ARL10: variants seen among roughly 807,000 people sequenced by gnomAD.
ARL10 encodes the protein ADP-ribosylation factor-like protein 10.
In ARL10, 23 loss-of-function variants were observed where a neutral mutation model predicts 26.1. The observed-to-expected ratio is 0.88, with a 90% CI of 0.63 to 1.25. ARL10 has a LOEUF of 1.25. Among genes scored for constraint, ARL10 ranks in the 50% most tolerant of loss-of-function variants. ARL10 has a pLI of 0.00. For synonymous variants in ARL10, 138 were observed against 149.1 expected (o/e 0.93, Z 0.54); for missense variants, 300 against 323.6 (o/e 0.93, Z 0.56).
chr5:176,406,541 G>A, downstream of ARL10: 1 of 1,273,140 alleles, frequency 7.9e-7, no homozygotes, highest in South Asian at 1.3e-5. Context: ...GGGAGTATTA[G>A]GGGAAAGGAG....
exon 2 of ARL10, chr5:176,388,479 G>T: frequency 1.2e-6 from 2 of 1,614,216 alleles, no homozygotes; most frequent in Admixed American, 1.7e-5. Flanking sequence ...CGGTTCAGAC[G>T]CTTTCGGTTG....
At chr5:176,397,202 A>G (rs1338513707) in intron 1 of ARL10, among the ~76,000 whole-genome samples, 1 of 152,160 alleles carries the variant, frequency 6.6e-6, no homozygotes, top group Non-Finnish European at 1.5e-5. Context: ...ACAGAAGGGT[A>G]GCTTCCCAGA....
downstream of ARL10, among the ~76,000 whole-genome samples, chr5:176,389,148 G>A (rs766531322): frequency 6.6e-6 from 1 of 152,018 alleles, no homozygotes; most frequent in Admixed American, 6.6e-5. Flanking sequence ...GGTTTAGGGG[G>A]CGGGATTTGG....
chr5:176,384,309 G>A (rs201556482), downstream of ARL10: 84 of 1,614,104 alleles, frequency 5.2e-5, no homozygotes, highest in Non-Finnish European at 6.4e-5. Flanking sequence ...GTTTATAGAC[G>A]TTGATCTTAC....
At position 176,373,370 on chromosome 5, in the gene ARL10, CAA is replaced by C. The variant is rs1372825427; in HGVS notation, c.*1477_*1478del. 3.8e-6 allele frequency: 1 copy of C among 262,392 alleles called. No individual in the cohort carries two copies. Among genetic ancestry groups the C allele is most frequent in the African/African-American group, 2.2e-5 (1 of 45,582 alleles). 16.3% of individuals were successfully genotyped at this position (262,392 alleles called of 1,614,324 possible). A position where few individuals can be genotyped will look rare whatever the true frequency, so the allele number is the denominator to read the frequency against. On this transcript the variant is annotated 3_prime_UTR_variant, in exon 4 of 4. Coordinates refer to ENST00000310389, the MANE Select transcript of ARL10 (RefSeq NM_173664.6). ...TACTGACACTTATTATCGGTACAGG[CAA>C]AGAGGAGCCTGTTGTCTGTTAGGGA...
chr5:176,375,108 CCCTCCATCCG>C lies in ARL10; in HGVS notation c.*3214_*3223del, dbSNP rs1768648070. 6.8e-6 allele frequency: 1 copy of C among 147,160 alleles called. No individual in the cohort carries two copies. The allele number at this position is 147,160 out of a possible 1,614,324, so 9.1% of individuals were successfully genotyped here. ...TCCATCCATCCATCCATCCATCCAT[CCCTCCATCCG>C]TCCACCCGTCCACCCGTCCACCCAT... On this transcript the variant is annotated 3_prime_UTR_variant, in exon 4 of 4. Coordinates refer to ENST00000310389, the MANE Select transcript of ARL10 (RefSeq NM_173664.6).
the ARL10 span, among the ~76,000 whole-genome samples, chr5:176,412,853 T>G: frequency 6.6e-6 from 1 of 152,242 alleles, no homozygotes; most frequent in South Asian, 2.1e-4. Context: ...GCAAAGGGGC[T>G]TCTTCTGCTG....
chr5:176,397,914 T>TCAGCCCCGCCC (rs1356834346), intron 1 of ARL10: 1 of 1,606,290 alleles, frequency 6.2e-7, no homozygotes, highest in Non-Finnish European at 8.5e-7. Flanking sequence ...CAACCCCGCC[T>TCAGCCCCGCCC]CAGCCCCGCC....
At chr5:176,411,234 C>G in the ARL10 span, among the ~76,000 whole-genome samples, 1 of 152,230 alleles carries the variant, frequency 6.6e-6, no homozygotes, top group Admixed American at 6.5e-5. Context: ...CACAGGCCCC[C>G]TTGACTCCAG....
In ARL10 at chr5:176,366,447, G is replaced by A; in HGVS notation, c.251G>A (p.Gly84Glu). The A allele has an allele frequency of 6.2e-7, 1 of 1,613,640 alleles. No individual in the cohort carries two copies. The highest frequency in any genetic ancestry group is 8.5e-7 in the Non-Finnish European group (1 of 1,179,984). The change falls in exon 2 of 4, where the codon GGG (glycine) becomes GAG (glutamate). Residue 84 changes from glycine to glutamate, a missense_variant. Gly to Glu is a moderately conservative substitution (Grantham distance 98, BLOSUM62 -2). Coordinates refer to ENST00000310389, the MANE Select transcript of ARL10 (RefSeq NM_173664.6). ...GAACAGCGCGAGGTGCTGGTGCTGG[G>A]GCTGGATGGCGCAGGCAAGAGCACG... is the stretch of plus-strand genomic sequence containing the variant. ...ELEQREVLVL[G>E]LDGAGKSTFL... is the part of the protein sequence containing the mutation.
rs1274340708 is a variant in ARL10, at chr5:176,374,260, T to G, written c.*2365T>G. ...TAATTCAGCTTCACAGTGTCCCTCA[T>G]TTTGCTCAGCCCCTTAATTTTGAGA... On this transcript the variant is annotated 3_prime_UTR_variant, in exon 4 of 4. Transcript: ENST00000310389. 2 of 152,166 alleles carry G rather than the reference T, an allele frequency of 1.3e-5. No individual in the cohort carries two copies. Among genetic ancestry groups the G allele is most frequent in the African/African-American group, 4.8e-5 (2 of 41,418 alleles). 9.4% of individuals were successfully genotyped at this position (152,166 alleles called of 1,614,324 possible).
chr5:176,397,002 G>A (rs541955715), intron 1 of ARL10, among the ~76,000 whole-genome samples: 327 of 152,120 alleles, frequency 2.1e-3, no homozygotes, highest in African/African-American at 7.4e-3. Context: ...CAAGTCCCAA[G>A]ACACAGAGGT....
rs1334444513 is a variant in ARL10 at position 176,374,415 on chromosome 5, T to G, written c.*2520T>G. On this transcript the variant is annotated 3_prime_UTR_variant, in exon 4 of 4. Transcript: ENST00000310389. ...CTTCATGTTTCTGTTACTCTAACCG[T>G]AATGAGACCATTTGAGGTACAAAGG... 6.6e-6 allele frequency: 1 copy of G among 152,238 alleles called. No homozygotes were observed. Among genetic ancestry groups the G allele is most frequent in the Non-Finnish European group, 1.5e-5 (1 of 68,038 alleles). The allele number at this position is 152,238 out of a possible 1,614,324, so 9.4% of individuals were successfully genotyped here.
chr5:176,387,102 G>A (rs965270734), intron 1 of ARL10, among the ~76,000 whole-genome samples: 3 of 147,424 alleles, frequency 2.0e-5, no homozygotes, highest in Non-Finnish European at 3.0e-5. Context: ...TTTTCTTTTT[G>A]AGACAGAGTC....
At chr5:176,366,037 G>T (rs1768283647) in intron 1 of ARL10, among the ~76,000 whole-genome samples, 1 of 152,190 alleles carries the variant, frequency 6.6e-6, no homozygotes, top group Non-Finnish European at 1.5e-5. Context: ...GCGCGGCTCG[G>T]GAGCATCCCG....
In ARL10 at chr5:176,377,591, C is replaced by T. The variant is rs1177799971; in HGVS notation, c.*5696C>T. On this transcript the variant is annotated 3_prime_UTR_variant, in exon 4 of 4. Transcript: ENST00000310389. The surrounding 1 kb of genome is among the most constrained non-coding windows in gnomAD (Gnocchi z 4.5). Reference sequence around the variant, plus strand: ...TCCATCTGTAAGCGTTCAAATGGTCCATCAGGTGTTGGTGGAAATACACCA... The same window carrying T: ...TCCATCTGTAAGCGTTCAAATGGTCTATCAGGTGTTGGTGGAAATACACCA... 3 of 152,194 alleles carry T rather than the reference C, an allele frequency of 2.0e-5. No homozygotes were observed. Among genetic ancestry groups the T allele is most frequent in the African/African-American group, 7.2e-5 (3 of 41,432 alleles). 9.4% of individuals were successfully genotyped at this position (152,194 alleles called of 1,614,324 possible). A position where few individuals can be genotyped will look rare whatever the true frequency, so the allele number is the denominator to read the frequency against.
downstream of ARL10, chr5:176,389,079 A>G (rs1756145640): frequency 7.7e-6 from 11 of 1,430,488 alleles, no homozygotes; most frequent in East Asian, 2.3e-5. Flanking sequence ...AGAGCGGACT[A>G]GAGAAGAGAC....
At position 176,368,275 on chromosome 5, in the gene ARL10, T is replaced by C. The variant is rs536208297; in HGVS notation, c.386-532T>C. Among the ~76,000 whole-genome samples the C allele has an allele frequency of 6.6e-6, 1 of 152,180 alleles. No individual in the cohort carries two copies. The highest frequency in any genetic ancestry group is 2.1e-4 in the South Asian group (1 of 4,818). On this transcript the variant is annotated intron_variant, in intron 2 of 3. Transcript: ENST00000310389. This position sits in a 1 kb window ranked among gnomAD's most constrained non-coding sequence, Gnocchi z 4.1. ...AAACTGAATGGAGAATGGCTGTGTA[T>C]AGGCAGGGCAGGGGGTCCTGAGTTT...
At chr5:176,366,274 A>G in intron 1 of ARL10, 106 bp from the exon 2 acceptor site, 1 of 1,352,500 alleles carries the variant, frequency 7.4e-7, no homozygotes, top group Non-Finnish European at 1.0e-6. Flanking sequence ...TGCCTGTCCC[A>G]GGACGGGTGG....
Sources: gnomAD v4.1 joint callset for allele counts (sites outside exome capture counted in the v4.1 genomes callset) on GRCh38, gnomAD v4.1.1 for gene constraint, Gnocchi (gnomAD v3.1) non-coding constraint, MANE v1.5 for transcripts, NCBI Gene and HGNC (gene_info 2026-07-23, HGNC 2026-07-21) for gene names.